The following PTCH2 variants were observed in gnomAD, a reference collection of about 807,000 sequenced individuals.
The protein encoded by PTCH2 is protein patched homolog 2.
Under a neutral mutation model 117.9 loss-of-function variants are expected in PTCH2, and 96 were observed. The ratio of observed to expected loss-of-function variants is 0.81; its 90% confidence interval spans 0.69 to 0.96. PTCH2 has a LOEUF of 0.96. PTCH2 is among the 50% of genes least tolerant of loss of function. The pLI, the probability that PTCH2 is intolerant of heterozygous loss-of-function variation, is 0.00. For missense variants in PTCH2, 1,379 were observed against 1,562.5 expected (o/e 0.88, Z 1.98); for synonymous variants, 615 against 660.9 (o/e 0.93, Z 1.06).
chr1:44,842,728 T>G, intron 1 of PTCH2, 133 bp downstream of exon 1: 1 of 868,994 alleles, frequency 1.2e-6, no homozygotes, highest in Non-Finnish European at 1.8e-6. Context: ...ACAACTTGCT[T>G]GCGGTGCTGG....
chr1:44,842,765 G>T, intron 1 of PTCH2, 96 bp downstream of exon 1: 1 of 1,252,892 alleles, frequency 8.0e-7, no homozygotes, highest in South Asian at 1.3e-5. Context: ...GACATCTAAT[G>T]ACACTCGGCA....
At chr1:44,841,808 A>C in intron 2 of PTCH2, 39 bp downstream of exon 2, 1 of 1,606,312 alleles carries the variant, frequency 6.2e-7, no homozygotes, top group Non-Finnish European at 8.5e-7. Context: ...TCTTGGGCTC[A>C]CCATACCTGA....
chr1:44,828,645 G>A lies in PTCH2; in HGVS notation c.1465-14C>T, dbSNP rs1284199682. On this transcript the variant is annotated splice_polypyrimidine_tract_variant and intron_variant, in intron 11 of 21. Transcript: ENST00000372192. The stretch of plus-strand genomic sequence containing the variant: ...GCCCATGCGCTCCTGCCAGGACAGA[G>A]TGGGGACCTGCCCTCAGGTCACAAG... 6.2e-7 allele frequency: 1 copy of A among 1,609,836 alleles called. No homozygotes were observed. The highest frequency in any genetic ancestry group is 1.1e-5 in the South Asian group (1 of 90,396).
In PTCH2 at chr1:44,832,219, C is replaced by T. The variant is rs1459906168; in HGVS notation, c.388G>A (p.Glu130Lys). The change falls in exon 3 of 22, where the codon GAA becomes AAA. Residue 130 changes from glutamate to lysine, a missense_variant. Coordinates refer to ENST00000372192, the MANE Select transcript of PTCH2 (RefSeq NM_003738.5). ...GCCTGGAGGTGGAGGCCAAGTGCTT[C>T]GGGTGTGAGGATGTTCTCTCCCTCC... Reference protein sequence around the residue: ...RQEGENILTPEALGLHLQAAL... With the variant: ...RQEGENILTPKALGLHLQAAL... 2 of 1,614,144 alleles carry T rather than the reference C, an allele frequency of 1.2e-6. No homozygotes were observed. Among genetic ancestry groups the T allele is most frequent in the East Asian group, 2.2e-5 (1 of 44,872 alleles).
Position 44,822,559 on chromosome 1 carries a change from C to A in PTCH2, c.3468G>T (p.Val1156=), listed in dbSNP as rs754219487. 3.7e-6 allele frequency: 6 copies of A among 1,614,070 alleles called. No individual in the cohort carries two copies. Among genetic ancestry groups the A allele is most frequent in the Non-Finnish European group, 5.1e-6 (6 of 1,179,972 alleles). ...GGATGGCCACGGTCATGGAGGTAGT[C>A]ACTCTGGCAAAGCTCTGGGGCAGGG... ...SSSLPQSFAR[V]TTSMTVAIHP... The change falls in exon 22 of 22, where the codon GTG becomes GTT. Residue 1156 remains valine, a synonymous_variant. Coordinates refer to ENST00000372192, the MANE Select transcript of PTCH2 (RefSeq NM_003738.5).
At chr1:44,836,756 T>C (rs1021554917) in intron 2 of PTCH2, among the ~76,000 whole-genome samples, 4 of 151,514 alleles carry the variant, frequency 2.6e-5, no homozygotes, top group African/African-American at 4.9e-5. Flanking sequence ...CTGGGCAACA[T>C]AGTGGGACTG....
downstream of PTCH2, chr1:44,820,312 C>T (rs189882698): frequency 7.2e-4 from 351 of 488,098 alleles, no homozygotes; most frequent in Non-Finnish European, 1.2e-3. Context: ...TCCTGGGACC[C>T]GCACCCCGTG....
At chr1:44,821,306 CCTCA>C (rs1652902744), downstream of PTCH2, among the ~76,000 whole-genome samples, 1 of 152,204 alleles carries the variant, frequency 6.6e-6, no homozygotes, top group Non-Finnish European at 1.5e-5. Context: ...TACGCTGTGT[CCTCA>C]CTAACTGCTA....
At chr1:44,820,792 C>T (rs776224345), downstream of PTCH2, 2 of 707,608 alleles carry the variant, frequency 2.8e-6, no homozygotes, top group African/African-American at 1.8e-5. Context: ...GGGCTGACCC[C>T]CTTTGCACTA....
In PTCH2 at chr1:44,826,320, C is replaced by T; in HGVS notation, c.3044G>A (p.Ser1015Asn). The T allele has an allele frequency of 4.3e-6, 7 of 1,614,156 alleles. No individual in the cohort carries two copies. Among genetic ancestry groups the T allele is most frequent in the Non-Finnish European group, 5.9e-6 (7 of 1,180,044 alleles). Residue 1015 changes from serine (S) to asparagine (N), a missense_variant, in exon 19 of 22, where the codon AGT becomes AAT. Ser to Asn is a conservative substitution (Grantham distance 46, BLOSUM62 1). Transcript: ENST00000372192. This position sits in a 1 kb window ranked among gnomAD's most constrained non-coding sequence, Gnocchi z 5.1. Reference sequence around the variant, plus strand: ...CACAAGGATCACCACGGGGATGGCACTCAGCTTGATGCCCAGGAAACCCAT... The same window carrying T: ...CACAAGGATCACCACGGGGATGGCATTCAGCTTGATGCCCAGGAAACCCAT... ...GIMGFLGIKL[S>N]AIPVVILVAS... is the part of the protein sequence containing the mutation.
Position 44,839,700 on chromosome 1 carries a change from T to C in PTCH2, c.265+2147A>G, listed in dbSNP as rs540547590. Among the ~76,000 whole-genome samples, 3 of 152,034 alleles carry C rather than the reference T, an allele frequency of 2.0e-5. No homozygotes were observed. In the East Asian group the frequency reaches 5.8e-4, roughly 29 times the overall value. ...TGGGACCACCCAGGCAGCAGTGGTG[T>C]GGGTGGGGATATGTGTATGTGCGTG... On this transcript the variant is annotated intron_variant, in intron 2 of 21. Transcript: ENST00000372192.
At chr1:44,842,705 C>T (rs574987423) in intron 1 of PTCH2, among the ~76,000 whole-genome samples, 156 bp downstream of exon 1, 3 of 152,364 alleles carry the variant, frequency 2.0e-5, no homozygotes, top group Non-Finnish European at 2.9e-5. Context: ...CACAGACACA[C>T]CGACACACAC....
Position 44,841,897 on chromosome 1 carries a change from C to A in PTCH2, c.215G>T (p.Gly72Val). 1.2e-6 allele frequency: 2 copies of A among 1,614,200 alleles called. No individual in the cohort carries two copies. The highest frequency in any genetic ancestry group is 1.7e-6 in the Non-Finnish European group (2 of 1,180,040). The part of the protein sequence containing the change: ...GLLAFGALAL[G>V]LRMAIIETNL... ...TGTCTCAATAATGGCCATGCGGAGA[C>A]CTAATGCCAGGGCCCCAAAGGCCAA... The change falls in exon 2 of 22, where the codon GGT becomes GTT. Residue 72 changes from glycine to valine, a missense_variant. Gly to Val is a moderately radical substitution (Grantham distance 109, BLOSUM62 -3). Coordinates refer to ENST00000372192, the MANE Select transcript of PTCH2 (RefSeq NM_003738.5).
chr1:44,827,622 C>A lies in PTCH2; in HGVS notation c.2151G>T (p.Val717=), dbSNP rs747948554. 3 of 1,613,826 alleles carry A rather than the reference C, an allele frequency of 1.9e-6. No individual in the cohort carries two copies. The highest frequency in any genetic ancestry group is 4.5e-5 in the East Asian group (2 of 44,884). The change falls in exon 15 of 22, where the codon GTG becomes GTT. Residue 717 remains valine, a synonymous_variant. Coordinates refer to ENST00000372192, the MANE Select transcript of PTCH2 (RefSeq NM_003738.5). ...AGGCATGCTCCTTGGTGCCCCGAGG[C>A]ACCACATCCGTCAGGGCCAGGCCGT... ...VQDGLALTDV[V]PRGTKEHAFL...
In PTCH2 at chr1:44,829,524, C is replaced by A. The variant is rs1344552083; in HGVS notation, c.1093G>T (p.Glu365Ter). The A allele has an allele frequency of 3.1e-6, 5 of 1,614,052 alleles. No homozygotes were observed. Among genetic ancestry groups the A allele is most frequent in the African/African-American group, 1.3e-5 (1 of 74,938 alleles). ...WQRRFVQLAQ[E>*]ALPENASQQI... ...TGGGAAGCGTTCTCAGGCAGGGCCT[C>A]CTGGGCCAGCTGGAGAAACAGGGTG... is the stretch of plus-strand genomic sequence containing the variant. Residue 365 changes from glutamate (E) to a stop codon, truncating the protein, a stop_gained, in exon 9 of 22, where the codon GAG becomes TAG. Transcript: ENST00000372192. LOFTEE classifies it high-confidence loss of function.
At chr1:44,842,173 GAC>G (rs955683084) in intron 1 of PTCH2, 134 bp from the exon 2 acceptor site, 18 of 814,560 alleles carry the variant, frequency 2.2e-5, no homozygotes, top group Admixed American at 4.1e-5. Context: ...CACCAACACA[GAC>G]ACAGGCCCAG....
At position 44,823,316 on chromosome 1, in the gene PTCH2, C is replaced by T. The variant is rs142187073; in HGVS notation, c.3184G>A (p.Val1062Met). 192 of 1,614,178 alleles carry T rather than the reference C, an allele frequency of 1.2e-4. No individual in the cohort carries two copies. In the African/African-American group the frequency reaches 2.0e-3, roughly 17 times the overall value. ...AATGTGGAGATGGCCCCATCGGTCACGGGGGCAAATGTGTGCTCAAGGGCA... is the reference window on the plus strand; with the variant it reads ...AATGTGGAGATGGCCCCATCGGTCATGGGGGCAAATGTGTGCTCAAGGGCA... ...AHALEHTFAP[V>M]TDGAISTLLG... Residue 1062 changes from valine (V) to methionine (M), a missense_variant, in exon 20 of 22, where the codon GTG becomes ATG. Physicochemically the swap from Val to Met is conservative, Grantham distance 21. Coordinates refer to ENST00000372192, the MANE Select transcript of PTCH2 (RefSeq NM_003738.5). This position sits in a 1 kb window ranked among gnomAD's most constrained non-coding sequence, Gnocchi z 5.1.
chr1:44,840,509 G>A (rs1653901996), intron 2 of PTCH2, among the ~76,000 whole-genome samples: 1 of 150,808 alleles, frequency 6.6e-6, no homozygotes, highest in Non-Finnish European at 1.5e-5. Context: ...CCAGGAGTTC[G>A]AGACCAGCCT....
At position 44,826,517 on chromosome 1, in the gene PTCH2, G is replaced by A. The variant is rs2148874004; in HGVS notation, c.2947C>T (p.Leu983Phe). The change falls in exon 18 of 22, where the codon CTC becomes TTC. Residue 983 changes from leucine to phenylalanine, a missense_variant. Transcript: ENST00000372192. The surrounding 1 kb of genome is among the most constrained non-coding windows in gnomAD (Gnocchi z 5.1). ...VCTFLVCALL[L>F]LNPWTAGLIV... ...AGGCCAGCCGTCCAGGGGTTGAGGA[G>A]CAGCAGAGCACAGACGAGGAAAGTG... The A allele has an allele frequency of 6.2e-7, 1 of 1,613,890 alleles. No homozygotes were observed. Among genetic ancestry groups the A allele is most frequent in the Non-Finnish European group, 8.5e-7 (1 of 1,180,018 alleles).
Sources: gnomAD v4.1 joint callset for allele counts (sites outside exome capture counted in the v4.1 genomes callset) on GRCh38, gnomAD v4.1.1 for gene constraint, Gnocchi (gnomAD v3.1) non-coding constraint, MANE v1.5 for transcripts, NCBI Gene and HGNC (gene_info 2026-07-23, HGNC 2026-07-21) for gene names.